The following STATH variants were observed in gnomAD, a reference collection of about 807,000 sequenced individuals.
The protein encoded by STATH is statherin.
A neutral mutation model predicts 13.3 loss-of-function variants in STATH; 11 were observed. That is an observed-to-expected ratio of 0.83 (90% CI 0.52 to 1.37). STATH has a LOEUF of 1.37. STATH is among the 40% of genes most tolerant of loss of function. The pLI, the probability that STATH is intolerant of heterozygous loss-of-function variation, is 0.00. For missense variants in STATH, 78 were observed against 73.3 expected (o/e 1.06, Z -0.24); for synonymous variants, 25 against 23.6 (o/e 1.06, Z -0.17).
intron 4 of STATH, 67 bp downstream of exon 4, chr4:69,999,876 GA>G: frequency 6.4e-7 from 1 of 1,562,748 alleles, no homozygotes. Context: ...TATTCTTCTA[GA>G]AGAACCAATA....
chr4:70,001,083 T>C, intron 5 of STATH, 101 bp downstream of exon 5: 1 of 752,082 alleles, frequency 1.3e-6, no homozygotes, highest in Non-Finnish European at 2.3e-6. Flanking sequence ...GCAGTTCCAG[T>C]ATAAGAAAGC....
intron 1 of STATH, 34 bp from the exon 2 acceptor site, chr4:69,998,389 A>G: frequency 6.4e-7 from 1 of 1,565,864 alleles, no homozygotes; most frequent in Non-Finnish European, 8.8e-7. Context: ...ATGCAAGAAA[A>G]AATGTGATAC....
intron 4 of STATH, 172 bp downstream of exon 4, chr4:69,999,981 TAAC>T (rs1424030821): frequency 2.7e-6 from 2 of 732,332 alleles, no homozygotes; most frequent in Non-Finnish European, 4.4e-6. Context: ...TATTGTGTCC[TAAC>T]AACATTTAAG....
chr4:69,997,571 ATAATC>A (rs1164505818), intron 1 of STATH, among the ~76,000 whole-genome samples: 1 of 152,190 alleles, frequency 6.6e-6, no homozygotes, highest in Non-Finnish European at 1.5e-5. Flanking sequence ...TTACAAATAA[ATAATC>A]TAACGTTTTT....
chr4:69,997,467 A>G (rs1724540655), intron 1 of STATH, among the ~76,000 whole-genome samples: 1 of 152,156 alleles, frequency 6.6e-6, no homozygotes, highest in Non-Finnish European at 1.5e-5. Context: ...ATTACTCTAT[A>G]GTTTTCAATA....
In STATH at chr4:70,000,966, A is replaced by G. The variant is rs920848243; in HGVS notation, c.*17A>G. 6.2e-7 allele frequency: 1 copy of G among 1,601,734 alleles called. No individual in the cohort carries two copies. The highest frequency in any genetic ancestry group is 8.6e-7 in the Non-Finnish European group (1 of 1,169,224). On this transcript the variant is annotated 3_prime_UTR_variant, in exon 5 of 6. Coordinates refer to ENST00000246895, the MANE Select transcript of STATH (RefSeq NM_003154.3). ...ACCTTTTAATATCATCAGTAACTGCAGGACATGATTATTGAGGTAAGATGG... is the reference window on the plus strand; with the variant it reads ...ACCTTTTAATATCATCAGTAACTGCGGGACATGATTATTGAGGTAAGATGG...
At chr4:70,000,728 T>A in intron 4 of STATH, 135 bp from the exon 5 acceptor site, 1 of 658,032 alleles carries the variant, frequency 1.5e-6, no homozygotes. Context: ...AAAAATCTAA[T>A]TGAAAGTTTG....
rs1035807505 is a variant in STATH at position 70,002,218 on chromosome 4, C to T, written c.*63C>T. On this transcript the variant is annotated 3_prime_UTR_variant, in exon 6 of 6. Transcript: ENST00000246895. Reference sequence around the variant, plus strand: ...GATTGGCAAATACGACTTCTACATCCATATTCTCATCTTTCATACCATATC... The same window carrying T: ...GATTGGCAAATACGACTTCTACATCTATATTCTCATCTTTCATACCATATC... 1 of 151,252 alleles carries T rather than the reference C, an allele frequency of 6.6e-6. No individual in the cohort carries two copies. The highest frequency in any genetic ancestry group is 2.4e-5 in the African/African-American group (1 of 41,266). The allele number at this position is 151,252 out of a possible 1,614,324, so 9.4% of individuals were successfully genotyped here.
chr4:69,997,826 A>G (rs1724549876), intron 1 of STATH, among the ~76,000 whole-genome samples: 1 of 152,150 alleles, frequency 6.6e-6, no homozygotes, highest in African/African-American at 2.4e-5. Context: ...GCAACTCTCA[A>G]GACAGAAATC....
intron 4 of STATH, chr4:70,000,393 G>A (rs1297505318): frequency 1.2e-5 from 2 of 161,254 alleles, no homozygotes; most frequent in African/African-American, 4.8e-5. Context: ...CTCTAAAAGG[G>A]ATGATGGTTA....
intron 2 of STATH, 60 bp downstream of exon 2, chr4:69,998,548 A>G (rs533894571): frequency 1.4e-6 from 2 of 1,440,966 alleles, no homozygotes; most frequent in African/African-American, 2.8e-5. Context: ...GAGTCTCTCT[A>G]TTCCTTGTGT....
chr4:69,996,512 G>C (rs1724507870), intron 1 of STATH, among the ~76,000 whole-genome samples: 1 of 151,890 alleles, frequency 6.6e-6, no homozygotes, highest in Non-Finnish European at 1.5e-5. Context: ...AAACAGTTAT[G>C]TCATTCTGCA....
At position 70,000,034 on chromosome 4, in the gene STATH, C is replaced by T. The variant is rs149625945; in HGVS notation, c.102+225C>T. ...GCCAACCTGAAGAAACCAGTTACTC[C>T]CTGAGCCCTCAAGTATCATCTCCTA... On this transcript the variant is annotated intron_variant, in intron 4 of 5. Transcript: ENST00000246895. 1.2e-3 allele frequency: 646 copies of T among 542,670 alleles called. 5 individuals carry two copies. The highest frequency in any genetic ancestry group is 0.011 in the African/African-American group (582 of 52,730). 33.6% of individuals were successfully genotyped at this position (542,670 alleles called of 1,614,324 possible). A position where few individuals can be genotyped will look rare whatever the true frequency, so the allele number is the denominator to read the frequency against.
chr4:69,998,315 C>A (rs891830873), intron 1 of STATH, 108 bp from the exon 2 acceptor site: 3 of 732,376 alleles, frequency 4.1e-6, no homozygotes, highest in African/African-American at 3.5e-5. Context: ...AATTGTCTTT[C>A]TATCTGGAGT....
Position 69,999,822 on chromosome 4 carries a change from T to C in STATH, c.102+13T>C. The C allele has an allele frequency of 1.2e-6, 2 of 1,611,608 alleles. No individual in the cohort carries two copies. The highest frequency in any genetic ancestry group is 1.7e-6 in the Non-Finnish European group (2 of 1,178,648). On this transcript the variant is annotated intron_variant, in intron 4 of 5. Transcript: ENST00000246895. ...TGGAAGATTCGGTGTAAGTGTTCTC[T>C]GATAATGCTGTGTAGTCCAAATAAA...
chr4:69,999,877 A>G (rs1223409978), intron 4 of STATH, 68 bp downstream of exon 4: 1 of 1,555,110 alleles, frequency 6.4e-7, no homozygotes, highest in Non-Finnish European at 8.8e-7. Flanking sequence ...ATTCTTCTAG[A>G]AGAACCAATA....
At chr4:70,002,117 G>C (rs534689299) in intron 5 of STATH, 72 bp from the exon 6 acceptor site, 98 of 151,420 alleles carry the variant, frequency 6.5e-4, no homozygotes, top group African/African-American at 2.2e-3. Context: ...CTCTGTACCA[G>C]GCCAGAATAT....
intron 4 of STATH, 105 bp downstream of exon 4, chr4:69,999,914 TG>T (rs1724609920): frequency 6.3e-6 from 8 of 1,261,904 alleles, no homozygotes; most frequent in South Asian, 2.6e-5. Context: ...GTGTAGTAGT[TG>T]CAAAAGTGTG....
At chr4:69,999,632 G>T in intron 2 of STATH, 35 bp from the exon 3 acceptor site, 1 of 1,599,832 alleles carries the variant, frequency 6.3e-7, no homozygotes, top group African/African-American at 1.3e-5. Context: ...ATAACATTAA[G>T]ATACTAACTA....
Sources: gnomAD v4.1 joint callset for allele counts (sites outside exome capture counted in the v4.1 genomes callset) on GRCh38, gnomAD v4.1.1 for gene constraint, MANE v1.5 for transcripts, NCBI Gene and HGNC (gene_info 2026-07-23, HGNC 2026-07-21) for gene names.